The following FNBP4 variants were observed in gnomAD, a reference collection of about 807,000 sequenced individuals.
FNBP4 encodes formin binding protein 4, also known as formin-binding protein 4.
In FNBP4, 34 loss-of-function variants were observed where a neutral mutation model predicts 119.3. The ratio of observed to expected loss-of-function variants is 0.28; its 90% CI spans 0.22 to 0.38. The LOEUF (loss-of-function observed/expected upper bound fraction) is 0.38. Among genes scored for constraint, FNBP4 ranks in the 10% least tolerant of loss-of-function variants. The pLI is 1.00. For synonymous variants in FNBP4, 462 were observed against 430.6 expected (o/e 1.07, Z -0.90); for missense variants, 1,112 against 1,228.9 (o/e 0.90, Z 1.42).
chr11:47,730,312 C>G, intron 12 of FNBP4: 1 of 850,086 alleles, frequency 1.2e-6, no homozygotes, highest in South Asian at 5.4e-5. Flanking sequence ...TGCCCTGTAA[C>G]TTGAGAAAAT....
intron 4 of FNBP4, among the ~76,000 whole-genome samples, chr11:47,752,149 C>T (rs1024629313): frequency 7.9e-5 from 12 of 152,088 alleles, no homozygotes; most frequent in African/African-American, 2.7e-4. Context: ...AGAGGTTGGG[C>T]GCGGTGGCTC....
rs142354662 is a variant in FNBP4, at chr11:47,747,499, G to A, written c.907-1105C>T. ...TTTTTGTATTTTTAGTAGAGACAGG[G>A]TTTTACCAGGTTGGCCAAGTTGATC... On this transcript the variant is annotated intron_variant, in intron 6 of 16. Coordinates refer to ENST00000263773, the MANE Select transcript of FNBP4 (RefSeq NM_015308.5). Among the ~76,000 whole-genome samples the A allele has an allele frequency of 4.2e-3, 636 of 152,052 alleles. 1 individual carries two copies. Among genetic ancestry groups the A allele is most frequent in the African/African-American group, 0.015 (621 of 41,476 alleles).
intron 12 of FNBP4, among the ~76,000 whole-genome samples, chr11:47,727,813 CTTAG>C (rs918228586): frequency 4.6e-4 from 70 of 152,110 alleles, no homozygotes; most frequent in African/African-American, 1.4e-3. Flanking sequence ...TTAAATTTAA[CTTAG>C]TTAGTATTTT....
chr11:47,757,014 ATG>A (rs2097620431), intron 2 of FNBP4, among the ~76,000 whole-genome samples: 1 of 152,160 alleles, frequency 6.6e-6, no homozygotes, highest in Non-Finnish European at 1.5e-5. Context: ...TAACGTGTGC[ATG>A]TGTCTTTATA....
At chr11:47,734,982 C>CG (rs1192466123) in intron 9 of FNBP4, among the ~76,000 whole-genome samples, 4 of 109,554 alleles carry the variant, frequency 3.7e-5, no homozygotes, top group African/African-American at 1.3e-4. Context: ...CCCAACACCC[C>CG]CCCCCCCAAA....
intron 2 of FNBP4, among the ~76,000 whole-genome samples, chr11:47,756,258 T>C (rs548932572): frequency 2.0e-5 from 3 of 152,324 alleles, no homozygotes; most frequent in Admixed American, 6.5e-5. Flanking sequence ...TATTATTATA[T>C]GTATTATAAA....
rs1565155120 is a variant in FNBP4 at position 47,751,179 on chromosome 11, G to T, written c.749C>A (p.Ala250Asp). ...ATGCTGTAATCCCTGTACCTGTGTG[G>T]CAAGATATTGGGGTAACTCCCAAGT... is the stretch of plus-strand genomic sequence containing the variant. ...EVTWELPQYL[A>D]TQVQGLQHYQ... The change falls in exon 5 of 17, where the codon GCC becomes GAC. Residue 250 changes from alanine to aspartate, a missense_variant. Physicochemically the swap from Ala to Asp is moderately radical, Grantham distance 126. Around this residue, in one of 2 missense-constraint regions of FNBP4, gnomAD observed 826 missense variants for 988.8 expected, o/e 0.84. Transcript: ENST00000263773. The T allele has an allele frequency of 3.1e-6, 5 of 1,614,044 alleles. No homozygotes were observed. Among genetic ancestry groups the T allele is most frequent in the Non-Finnish European group, 4.2e-6 (5 of 1,180,032 alleles).
Position 47,729,898 on chromosome 11 carries a change from A to G in FNBP4, c.2008+1476T>C, listed in dbSNP as rs190171212. 20 of 985,444 alleles carry G rather than the reference A, an allele frequency of 2.0e-5. No individual in the cohort carries two copies. In the East Asian group the frequency reaches 2.0e-3, roughly 101 times the overall value. The allele number at this position is 985,444 out of a possible 1,614,324, so 61.0% of individuals were successfully genotyped here. A position where few individuals can be genotyped will look rare whatever the true frequency, so the allele number is the denominator to read the frequency against. The stretch of plus-strand genomic sequence containing the variant: ...TCCTGCAATTCTAGGGGTTCTCAAT[A>G]AAGAGAGGCTTAAGAATATAACCTG... On this transcript the variant is annotated intron_variant, in intron 12 of 16. Coordinates refer to ENST00000263773, the MANE Select transcript of FNBP4 (RefSeq NM_015308.5).
intron 2 of FNBP4, among the ~76,000 whole-genome samples, chr11:47,757,033 T>C (rs1007074914): frequency 3.9e-5 from 6 of 152,224 alleles, no homozygotes; most frequent in African/African-American, 1.4e-4. Flanking sequence ...TATAGCAGCA[T>C]GATTTATAAT....
intron 6 of FNBP4, among the ~76,000 whole-genome samples, chr11:47,747,270 T>C (rs889528925): frequency 9.2e-5 from 14 of 152,182 alleles, no homozygotes; most frequent in Non-Finnish European, 1.6e-4. Flanking sequence ...CAAAGTGTGA[T>C]GTCGGCTCAC....
Position 47,731,479 on chromosome 11 carries a change from C to T in FNBP4, c.1903G>A (p.Glu635Lys). 6.2e-7 allele frequency: 1 copy of T among 1,612,228 alleles called. No homozygotes were observed. The highest frequency in any genetic ancestry group is 8.5e-7 in the Non-Finnish European group (1 of 1,178,458). ...EFPDGEEEEEESQAQENRDET... is the reference protein window; with the variant it reads ...EFPDGEEEEEKSQAQENRDET... Reference sequence around the variant, plus strand: ...TCTCTATTTTCTTGTGCTTGGCTTTCTTCTTCTTCCTCTTCACCATCTGGA... The same window carrying T: ...TCTCTATTTTCTTGTGCTTGGCTTTTTTCTTCTTCCTCTTCACCATCTGGA... Residue 635 changes from glutamate to lysine, a missense_variant, in exon 12 of 17, where the codon GAA (glutamate) becomes AAA (lysine). Glu to Lys is a moderately conservative substitution (Grantham distance 56). This residue lies in a region of FNBP4 where 826 missense variants were observed against 988.8 expected (regional missense o/e 0.84). Transcript: ENST00000263773.
At chr11:47,743,227 G>A (rs1239564593) in intron 8 of FNBP4, among the ~76,000 whole-genome samples, 4 of 152,138 alleles carry the variant, frequency 2.6e-5, no homozygotes, top group Non-Finnish European at 5.9e-5. Flanking sequence ...GGTGGCTCAC[G>A]CCTGTAATCC....
intron 2 of FNBP4, among the ~76,000 whole-genome samples, chr11:47,758,602 T>C (rs2097625333): frequency 2.0e-5 from 3 of 152,006 alleles, no homozygotes; most frequent in Admixed American, 1.3e-4. Flanking sequence ...TGGTGGCTCA[T>C]GCCTGTAATG....
chr11:47,717,568 C>A, intron 16 of FNBP4, 56 bp from the exon 17 acceptor site: 1 of 1,220,842 alleles, frequency 8.2e-7, no homozygotes, highest in South Asian at 1.3e-5. Context: ...CAAAAGTATT[C>A]ATTTCCCAGC....
chr11:47,753,440 G>A lies in FNBP4; in HGVS notation c.451-338C>T, dbSNP rs532606725. On this transcript the variant is annotated intron_variant, in intron 3 of 16. Transcript: ENST00000263773. ...AGCCTGGCCAATATGGTGAAAACTT[G>A]TCTCTACTAAAAATACAAAAATTAG... 4.7e-3 allele frequency among the ~76,000 whole-genome samples: 710 copies of A among 152,196 alleles called. 4 individuals are homozygous for A. The highest frequency in any genetic ancestry group is 8.2e-3 in the Non-Finnish European group (557 of 67,992).
intron 12 of FNBP4, 125 bp downstream of exon 12, chr11:47,731,249 T>A: frequency 1.1e-6 from 1 of 916,702 alleles, no homozygotes; most frequent in Non-Finnish European, 1.6e-6. Context: ...TTGTTTTAGT[T>A]CACACCACTA....
intron 16 of FNBP4, 101 bp from the exon 17 acceptor site, chr11:47,717,613 T>G (rs1200102097): frequency 1.2e-6 from 1 of 826,988 alleles, no homozygotes; most frequent in South Asian, 1.5e-5. Flanking sequence ...AAACCTGATC[T>G]ATCACGTCTA....
At position 47,735,429 on chromosome 11, in the gene FNBP4, A is replaced by C. The variant is rs114407564; in HGVS notation, c.1581+1187T>G. Among the ~76,000 whole-genome samples the C allele has an allele frequency of 8.9e-3, 1,354 of 152,278 alleles. 25 individuals carry two copies. The highest frequency in any genetic ancestry group is 0.031 in the African/African-American group (1,294 of 41,564). ...TGTTAAGTGGTTTTTCCAACAGACCACCCTTAAATAGCTAATACTTATTTG... is the reference window on the plus strand; with the variant it reads ...TGTTAAGTGGTTTTTCCAACAGACCCCCCTTAAATAGCTAATACTTATTTG... On this transcript the variant is annotated intron_variant, in intron 9 of 16. Coordinates refer to ENST00000263773, the MANE Select transcript of FNBP4 (RefSeq NM_015308.5).
intron 10 of FNBP4, among the ~76,000 whole-genome samples, chr11:47,733,253 T>C (rs1209379359): frequency 6.6e-6 from 1 of 152,226 alleles, no homozygotes; most frequent in Non-Finnish European, 1.5e-5. Context: ...CTTATTAAGA[T>C]TGGTTTCCCC....
Sources: allele counts gnomAD v4.1 joint callset (sites outside exome capture counted in the v4.1 genomes callset), GRCh38; gene constraint gnomAD v4.1.1; regional missense constraint gnomAD v4.1.1; transcripts MANE v1.5; gene names NCBI Gene and HGNC (gene_info 2026-07-23, HGNC 2026-07-21).